The following PRR11 variants were observed in gnomAD, a reference collection of about 807,000 sequenced individuals.
The protein encoded by PRR11 is proline-rich protein 11.
PRR11 carries 30 observed loss-of-function variants against 45.6 expected under a neutral mutation model. The observed-to-expected ratio is 0.66, with a 90% CI of 0.49 to 0.89. The LOEUF (loss-of-function observed/expected upper bound fraction) is 0.89, where lower values mean the gene tolerates loss of function less well. Ranked by LOEUF, PRR11 falls within the 40% of genes least tolerant of loss-of-function variation. The pLI is 0.00. For synonymous variants in PRR11, 128 were observed against 153.5 expected (o/e 0.83, Z 1.23); for missense variants, 373 against 424.8 (o/e 0.88, Z 1.07).
intron 2 of PRR11, among the ~76,000 whole-genome samples, chr17:59,173,411 C>T (rs1424026304): frequency 2.0e-5 from 3 of 152,228 alleles, no homozygotes; most frequent in Non-Finnish European, 4.4e-5. Flanking sequence ...CTACTGGTCA[C>T]TCTTTGGGTC....
Position 59,175,078 on chromosome 17 carries a change from T to C in PRR11, c.128+5198T>C, listed in dbSNP as rs1397762360. 1.7e-5 allele frequency: 10 copies of C among 582,690 alleles called. 1 individual carries two copies. In the East Asian group the frequency reaches 4.4e-4, roughly 25 times the overall value. 36.1% of individuals were successfully genotyped at this position (582,690 alleles called of 1,614,324 possible). ...TTCTTCCCGTACAGGAAGTAGAAAA[T>C]GTTTCATTTGGAGGCCTCGTTGTCC... On this transcript the variant is annotated intron_variant, in intron 2 of 9. Transcript: ENST00000262293.
intron 2 of PRR11, among the ~76,000 whole-genome samples, chr17:59,173,711 AACCAAGAACCC>A (rs1254458545): frequency 6.6e-6 from 1 of 152,184 alleles, no homozygotes; most frequent in African/African-American, 2.4e-5. Context: ...AAGTCGGTGA[AACCAAGAACCC>A]ACCAATTCCA....
Position 59,191,989 on chromosome 17 carries a change from C to G in PRR11, c.403-1503C>G, listed in dbSNP as rs148481259. Reference sequence around the variant, plus strand: ...GGGAGACTGAATACATGGCAGCCTCCAAAAGGTATATTCAAGTCCTAATCC... The same window carrying G: ...GGGAGACTGAATACATGGCAGCCTCGAAAAGGTATATTCAAGTCCTAATCC... On this transcript the variant is annotated intron_variant, in intron 4 of 9. Coordinates refer to ENST00000262293, the MANE Select transcript of PRR11 (RefSeq NM_018304.4). Among the ~76,000 whole-genome samples, 76 of 152,262 alleles carry G rather than the reference C, an allele frequency of 5.0e-4. 1 individual carries two copies. Among genetic ancestry groups the G allele is most frequent in the African/African-American group, 1.8e-3 (73 of 41,554 alleles).
At chr17:59,195,478 C>A in intron 7 of PRR11, 35 bp downstream of exon 7, 1 of 1,334,394 alleles carries the variant, frequency 7.5e-7, no homozygotes, top group Non-Finnish European at 1.1e-6. Flanking sequence ...TCTACTACTA[C>A]TTAAAAGAAT....
chr17:59,170,731 T>C (rs1441182238), intron 2 of PRR11, among the ~76,000 whole-genome samples: 2 of 152,266 alleles, frequency 1.3e-5, no homozygotes, highest in East Asian at 3.9e-4. Flanking sequence ...TGTTTTTTTC[T>C]ACATAAAAAA....
At chr17:59,171,969 C>T (rs1186564121) in intron 2 of PRR11, among the ~76,000 whole-genome samples, 2 of 151,960 alleles carry the variant, frequency 1.3e-5, no homozygotes, top group Admixed American at 1.3e-4. Context: ...ATATACATAA[C>T]AGCTATAACT....
intron 1 of PRR11, among the ~76,000 whole-genome samples, chr17:59,166,274 T>G (rs2046680045): frequency 6.6e-6 from 1 of 152,196 alleles, no homozygotes; most frequent in East Asian, 1.9e-4. Flanking sequence ...CAAATCTGAG[T>G]TTGAAGGGAA....
intron 1 of PRR11, among the ~76,000 whole-genome samples, chr17:59,160,030 G>A (rs1313456031): frequency 6.6e-6 from 1 of 151,810 alleles, no homozygotes; most frequent in East Asian, 1.9e-4. Context: ...ATCACTATAT[G>A]TTGTTGAATT....
At chr17:59,171,278 A>G (rs1019912279) in intron 2 of PRR11, among the ~76,000 whole-genome samples, 3 of 152,192 alleles carry the variant, frequency 2.0e-5, no homozygotes, top group African/African-American at 7.2e-5. Context: ...AAAAAAAAGT[A>G]ACATACAAAC....
At chr17:59,161,449 C>A (rs1404083845) in intron 1 of PRR11, among the ~76,000 whole-genome samples, 4 of 145,422 alleles carry the variant, frequency 2.8e-5, no homozygotes, top group African/African-American at 5.1e-5. Flanking sequence ...AAAAAAAAAA[C>A]ACACACACAA....
chr17:59,194,477 T>C (rs574000776), intron 5 of PRR11, among the ~76,000 whole-genome samples: 2 of 152,258 alleles, frequency 1.3e-5, no homozygotes, highest in Middle Eastern at 3.4e-3. Context: ...CCGGGGAAGA[T>C]GCAATATTGC....
intron 2 of PRR11, chr17:59,175,109 C>T: frequency 1.8e-6 from 1 of 568,132 alleles, no homozygotes; most frequent in East Asian, 4.7e-5. Flanking sequence ...TGTCCTCCTC[C>T]ATGTCATTGG....
intron 3 of PRR11, 115 bp from the exon 4 acceptor site, chr17:59,185,325 A>C: frequency 6.6e-7 from 1 of 1,515,406 alleles, no homozygotes; most frequent in Non-Finnish European, 8.9e-7. Context: ...GAAATTATTG[A>C]GTCAAGTCTG....
chr17:59,169,130 C>T (rs951902760), intron 1 of PRR11, among the ~76,000 whole-genome samples: 15 of 128,238 alleles, frequency 1.2e-4, no homozygotes, highest in Non-Finnish European at 1.9e-4. Flanking sequence ...GGAGTTTTCG[C>T]TCTTGTTGCC....
At chr17:59,185,651 G>A in intron 4 of PRR11, 89 bp downstream of exon 4, 2 of 1,190,222 alleles carry the variant, frequency 1.7e-6, no homozygotes, top group South Asian at 3.0e-5. Flanking sequence ...AAATGCTCAA[G>A]TCATAAGATT....
intron 1 of PRR11, among the ~76,000 whole-genome samples, chr17:59,169,032 A>G (rs1172802514): frequency 6.6e-6 from 1 of 151,814 alleles, no homozygotes; most frequent in Non-Finnish European, 1.5e-5. Flanking sequence ...TTATCTTCTC[A>G]CTACCAATTC....
intron 2 of PRR11, chr17:59,179,695 C>T (rs1204291628): frequency 6.9e-7 from 1 of 1,445,396 alleles, no homozygotes; most frequent in Non-Finnish European, 9.5e-7. Context: ...GCACGGGTGA[C>T]ACTCGCCATT....
chr17:59,196,174 T>G (rs1427720524), intron 7 of PRR11, among the ~76,000 whole-genome samples: 3 of 152,184 alleles, frequency 2.0e-5, no homozygotes, highest in East Asian at 1.9e-4. Flanking sequence ...AACTGCATAT[T>G]TTGAAGATGT....
intron 7 of PRR11, among the ~76,000 whole-genome samples, chr17:59,196,087 C>CAAAAAAAAAAAAAAAAAA (rs57940331): frequency 1.4e-5 from 1 of 71,362 alleles, no homozygotes; most frequent in Non-Finnish European, 2.8e-5. Context: ...GACTCCATCT[C>CAAAAAAAAAAAAAAAAAA]AAAAAAAAAA....
Sources: gnomAD v4.1 joint callset for allele counts (sites outside exome capture counted in the v4.1 genomes callset) on GRCh38, gnomAD v4.1.1 for gene constraint, MANE v1.5 for transcripts, NCBI Gene and HGNC (gene_info 2026-07-23, HGNC 2026-07-21) for gene names.